Variants in CFAP100 observed in about 807,000 individuals in gnomAD.
CFAP100 encodes the protein cilia- and flagella-associated protein 100.
Under a neutral mutation model 81.5 loss-of-function variants are expected in CFAP100, and 70 were observed. The observed-to-expected ratio is 0.86, with a 90% CI of 0.71 to 1.05. The LOEUF (loss-of-function observed/expected upper bound fraction) is 1.05. Among genes scored for constraint, CFAP100 ranks in the 50% least tolerant of loss-of-function variants. The pLI, the probability that CFAP100 is intolerant of heterozygous loss-of-function variation, is 0.00. For missense variants in CFAP100, 811 were observed against 776.5 expected (o/e 1.04, Z -0.53); for synonymous variants, 341 against 314.8 (o/e 1.08, Z -0.88).
At chr3:126,414,444 C>A in intron 4 of CFAP100, 1 of 618,150 alleles carries the variant, frequency 1.6e-6, no homozygotes, top group South Asian at 1.9e-5. Context: ...GTGGCAACAG[C>A]CTCAGCCACC....
In CFAP100 at chr3:126,418,496, A is replaced by G; in HGVS notation, c.457A>G (p.Lys153Glu). The change falls in exon 6 of 17, where the codon AAG becomes GAG. Residue 153 changes from lysine (K) to glutamate (E), a missense_variant. Physicochemically the swap from Lys to Glu is moderately conservative, Grantham distance 56. Transcript: ENST00000352312. ...GCCTGAGAACATGAGTGGCTACATT[A>G]AGCAGAAGCGGCAAATGTTCCTCCT... is the stretch of plus-strand genomic sequence containing the variant. ...VEPENMSGYI[K>E]QKRQMFLLQY... 6.2e-7 allele frequency: 1 copy of G among 1,614,144 alleles called. No individual in the cohort carries two copies. Among genetic ancestry groups the G allele is most frequent in the Non-Finnish European group, 8.5e-7 (1 of 1,180,030 alleles).
intron 5 of CFAP100, among the ~76,000 whole-genome samples, chr3:126,417,818 A>T (rs2083267118): frequency 6.6e-6 from 1 of 152,234 alleles, no homozygotes; most frequent in South Asian, 2.1e-4. Context: ...ACAGGGCCAG[A>T]GAGCCCCATG....
At chr3:126,413,758 C>T (rs949353014) in intron 3 of CFAP100, among the ~76,000 whole-genome samples, 4 of 152,218 alleles carry the variant, frequency 2.6e-5, no homozygotes, top group Non-Finnish European at 5.9e-5. Context: ...AAACAGCAGG[C>T]TCGGCCTCCC....
At position 126,430,766 on chromosome 3, in the gene CFAP100, G is replaced by GGT. The variant is rs556372097; in HGVS notation, c.1287-2303_1287-2302insGT. Among the ~76,000 whole-genome samples the GGT allele has an allele frequency of 2.3e-4, 35 of 149,142 alleles. No individual in the cohort carries two copies. The South Asian group carries it at 3.8e-3, about 16-fold the overall frequency. ...GCATTCTTAGCTCAATAATTTCTGG[G>GGT]TTTTTTTTTATGGTTTCTATTTCTT... On this transcript the variant is annotated intron_variant, in intron 13 of 16. Transcript: ENST00000352312.
In CFAP100 at chr3:126,405,940, T is replaced by C. The variant is rs1036798907; in HGVS notation, c.50-1232T>C. On this transcript the variant is annotated intron_variant, in intron 2 of 16. Coordinates refer to ENST00000352312, the MANE Select transcript of CFAP100 (RefSeq NM_182628.3). ...GTAACTGGGACCACATCCAGATCCATTGCTTTTTCATTTCTAATAGGGTTT... is the reference window on the plus strand; with the variant it reads ...GTAACTGGGACCACATCCAGATCCACTGCTTTTTCATTTCTAATAGGGTTT... Among the ~76,000 whole-genome samples, 8 of 152,220 alleles carry C rather than the reference T, an allele frequency of 5.3e-5. No homozygotes were observed. The South Asian group carries it at 1.2e-3, about 24-fold the overall frequency.
At chr3:126,417,705 G>A (rs1477024706) in intron 5 of CFAP100, among the ~76,000 whole-genome samples, 3 of 152,230 alleles carry the variant, frequency 2.0e-5, no homozygotes, top group Non-Finnish European at 4.4e-5. Flanking sequence ...TGGCTACCCA[G>A]GGAGGCCCAG....
chr3:126,416,512 C>A lies in CFAP100; in HGVS notation c.418+4C>A. The stretch of plus-strand genomic sequence containing the variant: ...TGGAAGCTCACCTTGACCAAAGGTG[C>A]GTCCCCTCCGGCGCGGGGGGACCTG... On this transcript the variant is annotated splice_donor_region_variant and intron_variant, in intron 5 of 16. Transcript: ENST00000352312. 6.4e-7 allele frequency: 1 copy of A among 1,566,776 alleles called. No individual in the cohort carries two copies. Among genetic ancestry groups the A allele is most frequent in the Non-Finnish European group, 8.7e-7 (1 of 1,154,468 alleles).
At chr3:126,418,114 G>A (rs1576633574) in intron 5 of CFAP100, 1 of 272,652 alleles carries the variant, frequency 3.7e-6, no homozygotes, top group Non-Finnish European at 7.0e-6. Flanking sequence ...GTCCTGGCTA[G>A]AAGGCCTGTG....
intron 2 of CFAP100, among the ~76,000 whole-genome samples, chr3:126,405,148 T>G (rs1433032333): frequency 6.6e-6 from 1 of 151,896 alleles, no homozygotes; most frequent in African/African-American, 2.4e-5. Flanking sequence ...CCATTCCCCC[T>G]CCCCTAGCCC....
At position 126,436,309 on chromosome 3, in the gene CFAP100, T is replaced by C. The variant is rs753780737; in HGVS notation, c.1741T>C (p.Cys581Arg). 4.2e-5 allele frequency: 68 copies of C among 1,613,674 alleles called. No homozygotes were observed. The highest frequency in any genetic ancestry group is 5.5e-5 in the Non-Finnish European group (65 of 1,179,868). Reference protein sequence around the residue: ...IKKKRGRTLVCRSRPPAHRIK... With the variant: ...IKKKRGRTLVRRSRPPAHRIK... ...CCTGCAGAGAGGCAGGACACTGGTA[T>C]GCCGCTCACGACCCCCAGCCCACAG... Residue 581 changes from cysteine (C) to arginine (R), a missense_variant, in exon 17 of 17, where the codon TGC becomes CGC. Cys to Arg is a radical substitution (Grantham distance 180). Transcript: ENST00000352312.
chr3:126,416,210 C>T, intron 4 of CFAP100, 106 bp from the exon 5 acceptor site: 3 of 679,988 alleles, frequency 4.4e-6, no homozygotes, highest in Non-Finnish European at 6.7e-6. Flanking sequence ...CAGGTCCCCG[C>T]GTCCTCGCGC....
intron 2 of CFAP100, among the ~76,000 whole-genome samples, chr3:126,397,969 G>A (rs2082914272): frequency 1.3e-5 from 2 of 152,248 alleles, no homozygotes; most frequent in African/African-American, 4.8e-5. Flanking sequence ...GTGGGAGTGG[G>A]CGTGGTGTGT....
At chr3:126,402,712 G>A (rs746265308) in intron 2 of CFAP100, among the ~76,000 whole-genome samples, 2 of 151,990 alleles carry the variant, frequency 1.3e-5, no homozygotes, top group Non-Finnish European at 2.9e-5. Flanking sequence ...GGGGAGGGAA[G>A]GGAAGGTCCT....
chr3:126,418,879 T>G (rs2083284665), intron 7 of CFAP100, 105 bp downstream of exon 7: 7 of 1,370,160 alleles, frequency 5.1e-6, no homozygotes, highest in Middle Eastern at 2.5e-4. Context: ...CCCCTGCAAC[T>G]CCTCTGGAAG....
rs569242909 is a variant in CFAP100, at chr3:126,433,485, AG to A, written c.1422+288del. 1.2e-4 allele frequency: 47 copies of A among 381,554 alleles called. 1 individual carries two copies. The South Asian group carries it at 1.5e-3, about 13-fold the overall frequency. 23.6% of individuals were successfully genotyped at this position (381,554 alleles called of 1,614,324 possible). A position where few individuals can be genotyped will look rare whatever the true frequency, so the allele number is the denominator to read the frequency against. ...ATTGTGTCTGGCAAGGTGATCCTGA[AG>A]GGGGGGAAGAGGCGTGTCCTCAAGC... On this transcript the variant is annotated intron_variant, in intron 14 of 16. Coordinates refer to ENST00000352312, the MANE Select transcript of CFAP100 (RefSeq NM_182628.3).
At chr3:126,424,588 G>C (rs1040598023) in intron 13 of CFAP100, among the ~76,000 whole-genome samples, 1 of 152,262 alleles carries the variant, frequency 6.6e-6, no homozygotes, top group Non-Finnish European at 1.5e-5. Context: ...GGAATCCTCT[G>C]CTCACTCCCC....
At chr3:126,410,145 G>A (rs550447068) in intron 3 of CFAP100, among the ~76,000 whole-genome samples, 1 of 152,304 alleles carries the variant, frequency 6.6e-6, no homozygotes, top group South Asian at 2.1e-4. Context: ...AGGTTGCAGT[G>A]AGCCAAGATC....
chr3:126,403,324 A>G (rs1012039910), intron 2 of CFAP100, among the ~76,000 whole-genome samples: 6 of 151,122 alleles, frequency 4.0e-5, no homozygotes, highest in Non-Finnish European at 5.9e-5. Flanking sequence ...ACTCCGATGG[A>G]TAGAGGATGT....
chr3:126,396,938 C>G (rs1414333295), intron 2 of CFAP100, among the ~76,000 whole-genome samples: 1 of 152,166 alleles, frequency 6.6e-6, no homozygotes, highest in Admixed American at 6.5e-5. Context: ...TTAAAAGCCC[C>G]TCATTGTGAA....
Sources: allele counts gnomAD v4.1 joint callset (sites outside exome capture counted in the v4.1 genomes callset), GRCh38; gene constraint gnomAD v4.1.1; transcripts MANE v1.5; gene names NCBI Gene and HGNC (gene_info 2026-07-23, HGNC 2026-07-21).